PVT1: variants seen among roughly 807,000 people sequenced by gnomAD.
PVT1 encodes the protein Pvt1 oncogene, also known as CXCR4/PVT1 fusion.
intron 2 of PVT1, among the ~76,000 whole-genome samples, chr8:127,880,861 C>T (rs150997847): frequency 0.012 from 1,789 of 152,206 alleles, 40 homozygotes; most frequent in African/African-American, 0.041. Context: ...AGCCTCCCAA[C>T]GTGCTGGGAT....
chr8:127,955,670 C>A (rs1239514598), intron 3 of PVT1, among the ~76,000 whole-genome samples: 1 of 152,030 alleles, frequency 6.6e-6, no homozygotes, highest in Non-Finnish European at 1.5e-5. Context: ...ACAACCGCCA[C>A]CTCCCAAGTT....
intron 4 of PVT1, among the ~76,000 whole-genome samples, chr8:128,004,813 G>A (rs765226122): frequency 1.3e-5 from 2 of 152,068 alleles, no homozygotes; most frequent in African/African-American, 4.8e-5. Context: ...ATGTTGTTGC[G>A]AAGTCCACAT....
chr8:127,931,813 G>A (rs1403503336), intron 3 of PVT1, among the ~76,000 whole-genome samples: 1 of 152,254 alleles, frequency 6.6e-6, no homozygotes, highest in Admixed American at 6.5e-5. Context: ...TACACAGGCT[G>A]GAGGTGCTCA....
At chr8:128,088,088 A>G (rs1010697391) in intron 5 of PVT1, among the ~76,000 whole-genome samples, 10 of 151,998 alleles carry the variant, frequency 6.6e-5, no homozygotes, top group Non-Finnish European at 1.3e-4. Context: ...TCAAGACATA[A>G]CAGTTAAATT....
At chr8:127,882,547 A>T (rs879767736) in intron 2 of PVT1, among the ~76,000 whole-genome samples, 40 of 151,794 alleles carry the variant, frequency 2.6e-4, no homozygotes, top group Admixed American at 3.9e-4. Context: ...GCAATGGCAC[A>T]ATCTCGGCTC....
chr8:127,805,102 G>T lies in PVT1; in HGVS notation n.372+9031G>T, dbSNP rs547912883. ...CTCACCACCACGCCCGGCTAATTTT[G>T]TGTTTTTAGTAGAGACGGGGTTTCT... On this transcript the variant is annotated intron_variant and non_coding_transcript_variant, in intron 2 of 10. Transcript: ENST00000651587. Among the ~76,000 whole-genome samples the T allele has an allele frequency of 2.6e-5, 4 of 151,586 alleles. No individual in the cohort carries two copies. The East Asian group carries it at 7.8e-4, about 30-fold the overall frequency.
rs1259446294 is a variant in PVT1 at position 127,826,985 on chromosome 8, TCTTTTTCTC to T, written n.372+30915_372+30923del. ...CCACAGGGCTTTCTTTTTCTTTCTT[TCTTTTTCTC>T]TTTTTTTTTTTTTTTTTTGAGATGG... On this transcript the variant is annotated intron_variant and non_coding_transcript_variant, in intron 2 of 10. Transcript: ENST00000651587. Among the ~76,000 whole-genome samples the T allele has an allele frequency of 3.6e-4, 40 of 110,296 alleles. No homozygotes were observed. In the East Asian group the frequency reaches 8.7e-3, roughly 24 times the overall value. 72.4% of individuals were successfully genotyped at this position (110,296 alleles called of 152,430 possible). A position where few individuals can be genotyped will look rare whatever the true frequency, so the allele number is the denominator to read the frequency against.
chr8:128,046,366 C>T (rs996673841), intron 4 of PVT1, among the ~76,000 whole-genome samples: 1 of 152,216 alleles, frequency 6.6e-6, no homozygotes, highest in Non-Finnish European at 1.5e-5. Flanking sequence ...TCCACGGGGT[C>T]GGTCAGTAAC....
chr8:128,031,306 C>T (rs1813384199), intron 4 of PVT1, among the ~76,000 whole-genome samples: 1 of 152,224 alleles, frequency 6.6e-6, no homozygotes, highest in Non-Finnish European at 1.5e-5. Flanking sequence ...GCTGCTCGCC[C>T]AGCCAAGGGC....
intron 3 of PVT1, chr8:127,947,391 G>A (rs1459774594): frequency 1.7e-5 from 4 of 240,824 alleles, no homozygotes; most frequent in East Asian, 9.1e-5. Flanking sequence ...GGGCAAAAAC[G>A]GAACCACGAA....
At chr8:128,010,000 G>T (rs1322738753) in intron 4 of PVT1, among the ~76,000 whole-genome samples, 3 of 152,126 alleles carry the variant, frequency 2.0e-5, no homozygotes, top group African/African-American at 7.2e-5. Context: ...CTTTTGCTAA[G>T]AGTTAGAATA....
At chr8:128,001,177 G>C (rs1302289378) in intron 4 of PVT1, among the ~76,000 whole-genome samples, 1 of 152,190 alleles carries the variant, frequency 6.6e-6, no homozygotes, top group Non-Finnish European at 1.5e-5. Flanking sequence ...CCTGCGTGCT[G>C]TCTGCACCCC....
intron 2 of PVT1, among the ~76,000 whole-genome samples, chr8:127,867,786 T>A (rs1004331545): frequency 6.6e-6 from 1 of 152,184 alleles, no homozygotes; most frequent in South Asian, 2.1e-4. Flanking sequence ...GATGTCATCC[T>A]TTATGGAGCA....
At chr8:128,044,016 T>TTA (rs1813581195) in intron 4 of PVT1, among the ~76,000 whole-genome samples, 1 of 6,046 alleles carries the variant, frequency 1.7e-4, no homozygotes, top group African/African-American at 3.3e-4. Context: ...TATTTATTTA[T>TTA]TTTTTTTTTT....
At chr8:128,036,808 G>C (rs915213311) in intron 4 of PVT1, among the ~76,000 whole-genome samples, 1 of 152,196 alleles carries the variant, frequency 6.6e-6, no homozygotes, top group African/African-American at 2.4e-5. Flanking sequence ...GGTAATAGAA[G>C]GCTGTCAAAG....
Position 128,043,271 on chromosome 8 carries a change from C to A in PVT1, n.913-26889C>A, listed in dbSNP as rs972482788. Among the ~76,000 whole-genome samples, 5 of 152,266 alleles carry A rather than the reference C, an allele frequency of 3.3e-5. No individual in the cohort carries two copies. In the East Asian group the frequency reaches 9.6e-4, roughly 29 times the overall value. On this transcript the variant is annotated intron_variant and non_coding_transcript_variant, in intron 4 of 10. Coordinates refer to ENST00000651587, the Ensembl canonical transcript of PVT1. ...AATAACTTCAAAAATATTTGAAACA[C>A]CCTGTGGGTTAGATCTGTAGCTGGA...
At chr8:127,869,423 G>A (rs760531025) in intron 2 of PVT1, among the ~76,000 whole-genome samples, 3 of 152,092 alleles carry the variant, frequency 2.0e-5, no homozygotes, top group Non-Finnish European at 4.4e-5. Context: ...GAGCCACCAC[G>A]CTTGGCCTAT....
chr8:128,024,960 A>C (rs971699418), intron 4 of PVT1, among the ~76,000 whole-genome samples: 1 of 152,166 alleles, frequency 6.6e-6, no homozygotes, highest in Non-Finnish European at 1.5e-5. Flanking sequence ...TGGCCTCTCA[A>C]AGTGTTGGGA....
At chr8:127,904,857 A>G (rs1311458085) in intron 3 of PVT1, among the ~76,000 whole-genome samples, 3 of 152,208 alleles carry the variant, frequency 2.0e-5, no homozygotes, top group Non-Finnish European at 4.4e-5. Context: ...GAATTTCTAG[A>G]TGCTGACAGC....
Sources: allele counts gnomAD v4.1 joint callset (sites outside exome capture counted in the v4.1 genomes callset), GRCh38; gene constraint gnomAD v4.1.1; transcripts MANE v1.5; gene names NCBI Gene and HGNC (gene_info 2026-07-23, HGNC 2026-07-21).